Variants in CNTN4 observed in about 807,000 individuals in gnomAD.
The protein encoded by CNTN4 is contactin 4.
In CNTN4, 77 loss-of-function variants were observed where a neutral mutation model predicts 122.5. The ratio of observed to expected loss-of-function variants is 0.63; its 90% CI spans 0.52 to 0.76. CNTN4 has a LOEUF of 0.76. CNTN4 is among the 30% of genes least tolerant of loss of function. The pLI, the probability that CNTN4 is intolerant of heterozygous loss-of-function variation, is 0.00. For synonymous variants in CNTN4, 512 were observed against 447.0 expected (o/e 1.15, Z -1.83); for missense variants, 1,256 against 1,259.1 (o/e 1.00, Z 0.04).
chr3:2,203,381 G>C (rs2038191056), intron 2 of CNTN4, among the ~76,000 whole-genome samples: 2 of 152,114 alleles, frequency 1.3e-5, no homozygotes, highest in Admixed American at 1.3e-4. Context: ...GTGCTACTAT[G>C]ATGTTGTTAT....
intron 4 of CNTN4, among the ~76,000 whole-genome samples, chr3:2,720,022 A>G (rs1295118020): frequency 6.6e-6 from 1 of 152,170 alleles, no homozygotes; most frequent in Non-Finnish European, 1.5e-5. Context: ...AACAATGACC[A>G]CATTAACTCA....
At chr3:2,916,727 G>C (rs1168439915) in intron 12 of CNTN4, among the ~76,000 whole-genome samples, 2 of 144,212 alleles carry the variant, frequency 1.4e-5, no homozygotes, top group Non-Finnish European at 3.0e-5. Context: ...ACACCTCCCA[G>C]ACGGGGTGGC....
intron 3 of CNTN4, among the ~76,000 whole-genome samples, chr3:2,522,697 G>C (rs2077265343): frequency 6.6e-6 from 1 of 151,370 alleles, no homozygotes; most frequent in Non-Finnish European, 1.5e-5. Context: ...AGACTGACTG[G>C]GACTCAAGAC....
chr3:2,126,379 A>G (rs2034169332), intron 2 of CNTN4, among the ~76,000 whole-genome samples: 1 of 152,216 alleles, frequency 6.6e-6, no homozygotes, highest in Non-Finnish European at 1.5e-5. Flanking sequence ...CTTAGTAAAT[A>G]TATGAATGAA....
chr3:2,300,366 G>T (rs2042459878), intron 2 of CNTN4, among the ~76,000 whole-genome samples: 1 of 152,040 alleles, frequency 6.6e-6, no homozygotes, highest in Non-Finnish European at 1.5e-5. Flanking sequence ...TCAAAATAGA[G>T]GGGAGAATTG....
At chr3:2,554,069 C>T (rs2078622497) in intron 3 of CNTN4, among the ~76,000 whole-genome samples, 1 of 152,074 alleles carries the variant, frequency 6.6e-6, no homozygotes, top group African/African-American at 2.4e-5. Flanking sequence ...CATCACAAAC[C>T]TTGTTCAGCT....
At chr3:2,900,127 A>G (rs557500544) in intron 10 of CNTN4, among the ~76,000 whole-genome samples, 85 of 152,266 alleles carry the variant, frequency 5.6e-4, no homozygotes, top group African/African-American at 2.0e-3. Flanking sequence ...TGTAGCTTCC[A>G]TGTCTGCACC....
At chr3:2,945,063 G>C (rs2094661112) in intron 13 of CNTN4, among the ~76,000 whole-genome samples, 1 of 152,080 alleles carries the variant, frequency 6.6e-6, no homozygotes, top group South Asian at 2.1e-4. Flanking sequence ...CGTTTCAGGG[G>C]GTAATTCAGT....
At position 2,883,218 on chromosome 3, in the gene CNTN4, G is replaced by A. The variant is rs375376755; in HGVS notation, c.726G>A (p.Thr242=). ...CAGTTCCGACTGCAAAAGGAGCAAC[G>A]GTGAAGCTGGAATGCTTTGCTTTAG... ...PETVPTAKGA[T]VKLECFALGN... Residue 242 remains threonine (T), a synonymous_variant, in exon 9 of 25, where the codon ACG becomes ACA. Coordinates refer to ENST00000418658, the MANE Select transcript of CNTN4 (RefSeq NM_175607.3). 6.3e-5 allele frequency: 101 copies of A among 1,613,716 alleles called. No individual in the cohort carries two copies. The highest frequency in any genetic ancestry group is 1.7e-4 in the Middle Eastern group (1 of 6,058).
chr3:2,126,708 C>G (rs1268042135), intron 2 of CNTN4, among the ~76,000 whole-genome samples: 1 of 152,158 alleles, frequency 6.6e-6, no homozygotes, highest in South Asian at 2.1e-4. Flanking sequence ...AATATAACTT[C>G]AAACCTGTTT....
At chr3:2,480,741 A>G (rs1241144996) in intron 3 of CNTN4, among the ~76,000 whole-genome samples, 1 of 152,190 alleles carries the variant, frequency 6.6e-6, no homozygotes, top group East Asian at 1.9e-4. Context: ...TATTTTGTGG[A>G]TATGTACTTA....
At chr3:2,164,850 T>C (rs1392618307) in intron 2 of CNTN4, among the ~76,000 whole-genome samples, 2 of 152,138 alleles carry the variant, frequency 1.3e-5, no homozygotes, top group African/African-American at 2.4e-5. Context: ...GCAAATGTAC[T>C]GTTTAAAAAA....
At chr3:2,776,865 T>C (rs757987634) in intron 6 of CNTN4, among the ~76,000 whole-genome samples, 14 of 152,236 alleles carry the variant, frequency 9.2e-5, no homozygotes, top group Non-Finnish European at 1.6e-4. Flanking sequence ...AAACATCTTA[T>C]GTATCTTAGG....
At chr3:2,286,129 G>T (rs998731041) in intron 2 of CNTN4, among the ~76,000 whole-genome samples, 9 of 151,548 alleles carry the variant, frequency 5.9e-5, no homozygotes, top group African/African-American at 2.2e-4. Flanking sequence ...AAGCAAAAAT[G>T]GTATTATATC....
At position 2,287,608 on chromosome 3, in the gene CNTN4, A is replaced by AAGAAGG. The variant is rs1188068296; in HGVS notation, c.-144-51546_-144-51541dup. ...ACAGAGTGAGACCCTGTCTAAAGAA[A>AAGAAGG]AGAAGGAGAAGGAGAAGGAGAAGGA... is the stretch of plus-strand genomic sequence containing the variant. On this transcript the variant is annotated intron_variant, in intron 2 of 24. Coordinates refer to ENST00000418658, the MANE Select transcript of CNTN4 (RefSeq NM_175607.3). Among the ~76,000 whole-genome samples the AAGAAGG allele has an allele frequency of 3.8e-4, 44 of 114,902 alleles. 4 individuals carry two copies. The highest frequency in any genetic ancestry group is 8.0e-4 in the African/African-American group (25 of 31,104). The allele number at this position is 114,902 out of a possible 152,430, so 75.4% of individuals were successfully genotyped here.
At chr3:2,623,199 T>C (rs74662899) in intron 4 of CNTN4, among the ~76,000 whole-genome samples, 5 of 152,138 alleles carry the variant, frequency 3.3e-5, no homozygotes, top group African/African-American at 7.2e-5. Flanking sequence ...ATAGTAAATA[T>C]TAGCTTCTTG....
chr3:2,543,844 C>G (rs2078130778), intron 3 of CNTN4, among the ~76,000 whole-genome samples: 1 of 152,058 alleles, frequency 6.6e-6, no homozygotes, highest in South Asian at 2.1e-4. Flanking sequence ...GTTTTACTTG[C>G]ATATATTAAG....
chr3:3,034,587 G>T, intron 16 of CNTN4, 45 bp from the exon 17 acceptor site: 1 of 1,603,786 alleles, frequency 6.2e-7, no homozygotes, highest in Non-Finnish European at 8.5e-7. Context: ...TTACTTGGGT[G>T]TTTGAATACA....
intron 2 of CNTN4, among the ~76,000 whole-genome samples, chr3:2,321,776 C>G (rs1396377774): frequency 1.3e-5 from 2 of 151,798 alleles, no homozygotes; most frequent in African/African-American, 4.8e-5. Flanking sequence ...TCCTTTATGT[C>G]CAGTTCTTCT....
Sources: gnomAD v4.1 joint callset for allele counts (sites outside exome capture counted in the v4.1 genomes callset) on GRCh38, gnomAD v4.1.1 for gene constraint, MANE v1.5 for transcripts, NCBI Gene and HGNC (gene_info 2026-07-23, HGNC 2026-07-21) for gene names.